LRP1: variants seen among roughly 807,000 people sequenced by gnomAD.
LRP1 encodes prolow-density lipoprotein receptor-related protein 1.
LRP1 carries 51 observed loss-of-function variants against 541.5 expected under a neutral mutation model. That is an observed-to-expected ratio of 0.09 (90% CI 0.08 to 0.12). The LOEUF is 0.12. LRP1 is among the 10% of genes least tolerant of loss of function. The pLI is 1.00. For synonymous variants in LRP1, 2,219 were observed against 2,470.8 expected, an observed-to-expected ratio of 0.90 and a Z score of 3.02; for missense variants, 3,878 against 6,376.2, an observed-to-expected ratio of 0.61 and a Z score of 13.34.
chr12:57,171,146 G>A lies in LRP1; in HGVS notation c.3163+1839G>A, dbSNP rs969586252. Among the ~76,000 whole-genome samples the A allele has an allele frequency of 1.2e-4, 18 of 152,278 alleles. No individual in the cohort carries two copies. In the East Asian group the frequency reaches 2.9e-3, roughly 24 times the overall value. On this transcript the variant is annotated intron_variant, in intron 20 of 88. Coordinates refer to ENST00000243077, the MANE Select transcript of LRP1 (RefSeq NM_002332.3). ...GGTGTGGTGAGAAGAGCTCCCTGCC[G>A]CTCCCAGATAAGCTGGGCAAATTTG...
rs1053307477 is a variant in LRP1, at chr12:57,204,306, C to T, written c.10952-104C>T. On this transcript the variant is annotated intron_variant, in intron 70 of 88. Transcript: ENST00000243077. The surrounding 1 kb of genome is among the most constrained non-coding windows in gnomAD (Gnocchi z 5.3). The stretch of plus-strand genomic sequence containing the variant: ...ACCTGGTTCCAATTTGGCTGTGCCA[C>T]TGCTTGCCTGGTGACCCCTCTGAGC... 2.3e-6 allele frequency: 3 copies of T among 1,331,898 alleles called. No homozygotes were observed. The African/African-American group carries it at 4.4e-5, about 19-fold the overall frequency. 82.5% of individuals were successfully genotyped at this position (1,331,898 alleles called of 1,614,324 possible). A position where few individuals can be genotyped will look rare whatever the true frequency, so the allele number is the denominator to read the frequency against.
At position 57,210,977 on chromosome 12, in the gene LRP1, G is replaced by T. The variant is rs957530578; in HGVS notation, c.12916+98G>T. The T allele has an allele frequency of 2.7e-6, 4 of 1,484,354 alleles. No individual in the cohort carries two copies. The Admixed American group carries it at 6.1e-5, about 23-fold the overall frequency. The allele number at this position is 1,484,354 out of a possible 1,614,324, so 91.9% of individuals were successfully genotyped here. A position where few individuals can be genotyped will look rare whatever the true frequency, so the allele number is the denominator to read the frequency against. ...CAACCTGTGCCTGGGACCCACAGGG[G>T]CAAGTTCAGGAAAGAAGGCCTTATG... On this transcript the variant is annotated intron_variant, in intron 83 of 88. Transcript: ENST00000243077.
In LRP1 at chr12:57,212,285, C is replaced by G. The variant is rs1565759427; in HGVS notation, c.13494+24C>G. On this transcript the variant is annotated intron_variant, in intron 88 of 88. Coordinates refer to ENST00000243077, the MANE Select transcript of LRP1 (RefSeq NM_002332.3). The surrounding 1 kb of genome is among the most constrained non-coding windows in gnomAD (Gnocchi z 5.0). ...AGGTGGGCTGGGAGGCGGGCAGGGT[C>G]GAGTGCCAAGAGGCCGTGGGTGGCC... is the stretch of plus-strand genomic sequence containing the variant. 6.2e-7 allele frequency: 1 copy of G among 1,612,036 alleles called. No homozygotes were observed. The highest frequency in any genetic ancestry group is 8.5e-7 in the Non-Finnish European group (1 of 1,178,904).
chr12:57,197,247 A>T lies in LRP1; in HGVS notation c.9077-52A>T. 1 of 1,612,622 alleles carries T rather than the reference A, an allele frequency of 6.2e-7. No individual in the cohort carries two copies. Among genetic ancestry groups the T allele is most frequent in the Non-Finnish European group, 8.5e-7 (1 of 1,178,710 alleles). On this transcript the variant is annotated intron_variant, in intron 56 of 88. Transcript: ENST00000243077. This position sits in a 1 kb window ranked among gnomAD's most constrained non-coding sequence, Gnocchi z 4.5. ...TGGCAGAGCTCCAGACAGGCAGGAG[A>T]CCAGGGCCGCTAGAATGTGCCAGGA...
chr12:57,169,671 G>A (rs2035908089), intron 20 of LRP1, among the ~76,000 whole-genome samples: 1 of 152,214 alleles, frequency 6.6e-6, no homozygotes, highest in Non-Finnish European at 1.5e-5. Context: ...GCTGATGTGG[G>A]AGTTTAGTGA....
Position 57,187,442 on chromosome 12 carries a change from G to A in LRP1, c.7017G>A (p.Leu2339=). The change falls in exon 42 of 89, where the codon TTG becomes TTA. Residue 2339 remains leucine (L), a synonymous_variant. Transcript: ENST00000243077. ...ATGACCACCCACGGGCCTTCGTTTT[G>A]GACGAGTGCCAGAAGTGAGCTGCTG... The part of the protein sequence containing the change: ...SGDDHPRAFV[L]DECQNLMFWT... 2 of 1,613,430 alleles carry A rather than the reference G, an allele frequency of 1.2e-6. No individual in the cohort carries two copies. Among genetic ancestry groups the A allele is most frequent in the Non-Finnish European group, 1.7e-6 (2 of 1,179,686 alleles).
intron 76 of LRP1, among the ~76,000 whole-genome samples, chr12:57,207,802 T>A (rs1206948798): frequency 6.6e-6 from 1 of 152,242 alleles, no homozygotes; most frequent in African/African-American, 2.4e-5. Flanking sequence ...GGTTTCACTT[T>A]GTTTATCAAT....
At chr12:57,195,637 T>C in intron 52 of LRP1, 21 bp from the exon 53 acceptor site, 1 of 1,614,014 alleles carries the variant, frequency 6.2e-7, no homozygotes, top group Non-Finnish European at 8.5e-7. Context: ...GCTGAAGGGC[T>C]GTGTCCACCT....
Position 57,179,915 on chromosome 12 carries a change from C to T in LRP1, c.5100C>T (p.Gly1700=), listed in dbSNP as rs746020282. ...DGSFKNAVVQ[G]LEQPHGLVVH... Reference sequence around the variant, plus strand: ...CCTTCAAGAACGCAGTGGTGCAGGGCCTGGAGCAGCCCCATGGCCTTGTCG... The same window carrying T: ...CCTTCAAGAACGCAGTGGTGCAGGGTCTGGAGCAGCCCCATGGCCTTGTCG... The change falls in exon 30 of 89, where the codon GGC becomes GGT. Residue 1700 remains glycine (G), a synonymous_variant. Transcript: ENST00000243077. This position sits in a 1 kb window ranked among gnomAD's most constrained non-coding sequence, Gnocchi z 6.8. 1.2e-6 allele frequency: 2 copies of T among 1,614,140 alleles called. No individual in the cohort carries two copies. The highest frequency in any genetic ancestry group is 1.7e-6 in the Non-Finnish European group (2 of 1,180,042).
In LRP1 at chr12:57,183,029, G is replaced by T. The variant is rs2036196921; in HGVS notation, c.5663-350G>T. On this transcript the variant is annotated intron_variant, in intron 34 of 88. Coordinates refer to ENST00000243077, the MANE Select transcript of LRP1 (RefSeq NM_002332.3). This position sits in a 1 kb window ranked among gnomAD's most constrained non-coding sequence, Gnocchi z 6.1. ...CTAGATTTTGGAGTCACCTAGTCCT[G>T]ATTGTCTGGTCTGAACTCCCAGACT... Among the ~76,000 whole-genome samples the T allele has an allele frequency of 1.3e-5, 2 of 152,190 alleles. No individual in the cohort carries two copies. Among genetic ancestry groups the T allele is most frequent in the South Asian group, 4.1e-4 (2 of 4,826 alleles).
chr12:57,195,968 A>G lies in LRP1; in HGVS notation c.8666A>G (p.Asp2889Gly). 6.2e-7 allele frequency: 1 copy of G among 1,613,328 alleles called. No homozygotes were observed. The highest frequency in any genetic ancestry group is 8.5e-7 in the Non-Finnish European group (1 of 1,179,988). Reference sequence around the variant, plus strand: ...GAGAATGACTGCCACGACCAGAGTGACGAGGCTCCCAAGAACCCACACTGC... The same window carrying G: ...GAGAATGACTGCCACGACCAGAGTGGCGAGGCTCCCAAGAACCCACACTGC... ...DGENDCHDQS[D>G]EAPKNPHCTS... Residue 2889 changes from aspartate to glycine, a missense_variant, in exon 54 of 89, where the codon GAC (aspartate) becomes GGC (glycine). Asp to Gly is a moderately conservative substitution (Grantham distance 94). Coordinates refer to ENST00000243077, the MANE Select transcript of LRP1 (RefSeq NM_002332.3).
At chr12:57,176,179 C>A (rs1315646555) in intron 24 of LRP1, 73 bp downstream of exon 24, 6 of 1,459,766 alleles carry the variant, frequency 4.1e-6, no homozygotes, top group African/African-American at 1.4e-5. Flanking sequence ...CAGGTCCCAT[C>A]CAAGTGGCCC....
At chr12:57,137,224 A>C (rs2035190004) in intron 1 of LRP1, among the ~76,000 whole-genome samples, 1 of 148,890 alleles carries the variant, frequency 6.7e-6, no homozygotes, top group South Asian at 2.2e-4. Flanking sequence ...CTGGGCAACA[A>C]GAGCAAAACT....
chr12:57,187,188 C>T lies in LRP1; in HGVS notation c.6842-79C>T. 5 of 1,451,604 alleles carry T rather than the reference C, an allele frequency of 3.4e-6. No homozygotes were observed. In the South Asian group the frequency reaches 6.5e-5, roughly 19 times the overall value. 89.9% of individuals were successfully genotyped at this position (1,451,604 alleles called of 1,614,324 possible). ...GCCTTCCAGCCAGGAGAGCACCTGC[C>T]CCAGGCTGTCCCCCACGGCTCCTGT... On this transcript the variant is annotated intron_variant, in intron 41 of 88. Transcript: ENST00000243077.
In LRP1 at chr12:57,185,159, C is replaced by T. The variant is rs775810012; in HGVS notation, c.6417C>T (p.Gly2139=). Residue 2139 remains glycine, a synonymous_variant, in exon 40 of 89, where the codon GGC becomes GGT. Coordinates refer to ENST00000243077, the MANE Select transcript of LRP1 (RefSeq NM_002332.3). The surrounding 1 kb of genome is among the most constrained non-coding windows in gnomAD (Gnocchi z 4.9). ...CCGTGCCCCTGCGAACCGGCATCGG[C>T]GTCCAGCTTAAAGACATCAAAGTCT... ...TDSVPLRTGI[G]VQLKDIKVFN... 2.4e-5 allele frequency: 38 copies of T among 1,614,062 alleles called. No homozygotes were observed. Among genetic ancestry groups the T allele is most frequent in the East Asian group, 4.5e-5 (2 of 44,894 alleles).
At chr12:57,167,159 G>A in intron 18 of LRP1, 113 bp downstream of exon 18, 1 of 842,820 alleles carries the variant, frequency 1.2e-6, no homozygotes. Flanking sequence ...GTGGCCTTGA[G>A]TGAGTTAATC....
intron 6 of LRP1, among the ~76,000 whole-genome samples, chr12:57,153,956 T>C (rs1235248489): frequency 1.3e-5 from 2 of 151,566 alleles, no homozygotes; most frequent in African/African-American, 4.8e-5. Flanking sequence ...CTGTGCTCTC[T>C]ACCTTTTGGT....
In LRP1 at chr12:57,178,050, C is replaced by T. The variant is rs1477474951; in HGVS notation, c.4362-309C>T. 2.6e-5 allele frequency among the ~76,000 whole-genome samples: 4 copies of T among 151,476 alleles called. No homozygotes were observed. The highest frequency in any genetic ancestry group is 1.9e-4 in the East Asian group (1 of 5,168). The stretch of plus-strand genomic sequence containing the variant: ...TGCAGGCTCCGCCCCCCGGGGTTCA[C>T]GCTGAGGGTGCCTTTTTCTGACTTT... On this transcript the variant is annotated intron_variant, in intron 26 of 88. Transcript: ENST00000243077. The surrounding 1 kb of genome is among the most constrained non-coding windows in gnomAD (Gnocchi z 5.8).
rs768986794 is a variant in LRP1 at position 57,199,240 on chromosome 12, T to C, written c.9705T>C (p.Phe3235=). The C allele has an allele frequency of 2.0e-5, 32 of 1,613,838 alleles. No individual in the cohort carries two copies. Among genetic ancestry groups the C allele is most frequent in the Non-Finnish European group, 2.7e-5 (32 of 1,179,970 alleles). ...VVLSQDIPHI[F]ALTLFEDYVY... The stretch of plus-strand genomic sequence containing the variant: ...TGAGCCAGGACATCCCGCACATCTT[T>C]GCACTGACCCTGTTTGAGGACTACG... Residue 3235 remains phenylalanine, a synonymous_variant, in exon 61 of 89, where the codon TTT becomes TTC. Coordinates refer to ENST00000243077, the MANE Select transcript of LRP1 (RefSeq NM_002332.3).
Sources: gnomAD v4.1 joint callset for allele counts (sites outside exome capture counted in the v4.1 genomes callset) on GRCh38, gnomAD v4.1.1 for gene constraint, Gnocchi (gnomAD v3.1) non-coding constraint, MANE v1.5 for transcripts, NCBI Gene and HGNC (gene_info 2026-07-23, HGNC 2026-07-21) for gene names.